KCNN1: variants seen among roughly 807,000 people sequenced by gnomAD.
The protein encoded by KCNN1 is potassium calcium-activated channel subfamily N member 1.
KCNN1 carries 20 observed loss-of-function variants against 44.7 expected under a neutral mutation model. That is an observed-to-expected ratio of 0.45 (90% CI 0.32 to 0.65). The LOEUF (loss-of-function observed/expected upper bound fraction) is 0.65. Ranked by LOEUF, KCNN1 falls within the 30% of genes least tolerant of loss-of-function variation. The probability of loss-of-function intolerance (pLI) is 0.05; values close to 1 mark genes in which losing one functional copy is unlikely to be tolerated. For synonymous variants in KCNN1, 324 were observed against 341.7 expected (o/e 0.95, Z 0.57); for missense variants, 632 against 785.3 (o/e 0.80, Z 2.33).
chr19:17,969,664 A>G (rs978247648), intron 1 of KCNN1, among the ~76,000 whole-genome samples: 8 of 152,094 alleles, frequency 5.3e-5, no homozygotes, highest in Non-Finnish European at 1.2e-4. Flanking sequence ...CACATCCCCA[A>G]ATTGCATCTT....
At chr19:17,989,650 A>C in intron 6 of KCNN1, 66 bp from the exon 7 acceptor site, 1 of 1,608,610 alleles carries the variant, frequency 6.2e-7, no homozygotes, top group Non-Finnish European at 8.5e-7. Flanking sequence ...GGAAGATTCT[A>C]GACATTTCTG....
intron 6 of KCNN1, among the ~76,000 whole-genome samples, chr19:17,989,175 T>C (rs908897865): frequency 8.5e-5 from 13 of 152,146 alleles, no homozygotes; most frequent in African/African-American, 2.9e-4. Flanking sequence ...ATCTGCATCA[T>C]GGCCGGGCGC....
At position 17,974,255 on chromosome 19, in the gene KCNN1, A is replaced by G; in HGVS notation, c.367A>G (p.Thr123Ala). 1 of 1,600,582 alleles carries G rather than the reference A, an allele frequency of 6.2e-7. No homozygotes were observed. Among genetic ancestry groups the G allele is most frequent in the South Asian group, 1.1e-5 (1 of 89,154 alleles). Residue 123 changes from threonine to alanine, a missense_variant, in exon 2 of 10, where the codon ACG becomes GCG. This residue lies in a region of KCNN1 where 235 missense variants were observed against 224.0 expected (regional missense o/e 1.05). Coordinates refer to ENST00000684775, the MANE Select transcript of KCNN1 (RefSeq NM_001386974.1). This position sits in a 1 kb window ranked among gnomAD's most constrained non-coding sequence, Gnocchi z 7.3. ...FGMFGIVVMV[T>A]ETELSWGVYT... The stretch of plus-strand genomic sequence containing the variant: ...CATGTTTGGCATCGTCGTCATGGTG[A>G]CGGAGACCGAGCTGTCCTGGGGGGT...
intron 1 of KCNN1, among the ~76,000 whole-genome samples, chr19:17,970,099 G>A (rs990573984): frequency 1.3e-5 from 2 of 152,020 alleles, no homozygotes; most frequent in Non-Finnish European, 2.9e-5. Context: ...CTGATAAACT[G>A]GGAAGTACTA....
intron 5 of KCNN1, among the ~76,000 whole-genome samples, chr19:17,987,888 C>T (rs924352124): frequency 1.3e-5 from 2 of 148,454 alleles, no homozygotes; most frequent in Non-Finnish European, 3.0e-5. Flanking sequence ...TACACCTGTA[C>T]TCCCAGCACT....
rs774019514 is a variant in KCNN1 at position 17,988,550 on chromosome 19, G to A, written c.1170+25G>A. 8 of 1,545,974 alleles carry A rather than the reference G, an allele frequency of 5.2e-6. No homozygotes were observed. In the South Asian group the frequency reaches 6.7e-5, roughly 13 times the overall value. ...GGTGAGGACCGCGGTTCCCATGGAG[G>A]CCGCCTCCTGGCCTTGTCAGCGAGC... On this transcript the variant is annotated intron_variant, in intron 6 of 9. Coordinates refer to ENST00000684775, the MANE Select transcript of KCNN1 (RefSeq NM_001386974.1).
At chr19:17,994,644 A>C (rs1156625207) in intron 9 of KCNN1, among the ~76,000 whole-genome samples, 1 of 152,010 alleles carries the variant, frequency 6.6e-6, no homozygotes, top group Non-Finnish European at 1.5e-5. Context: ...CCCGGGTTCA[A>C]GCAATTCTCG....
At chr19:17,975,595 A>T (rs148133453) in intron 3 of KCNN1, among the ~76,000 whole-genome samples, 116 of 151,916 alleles carry the variant, frequency 7.6e-4, no homozygotes, top group African/African-American at 2.5e-3. Context: ...TAATTTTTGT[A>T]TTTCTAGTAG....
Position 17,983,048 on chromosome 19 carries a change from G to A in KCNN1, c.917+921G>A, listed in dbSNP as rs2032475191. Among the ~76,000 whole-genome samples the A allele has an allele frequency of 6.6e-6, 1 of 151,954 alleles. No homozygotes were observed. The highest frequency in any genetic ancestry group is 2.4e-5 in the African/African-American group (1 of 41,372). On this transcript the variant is annotated intron_variant, in intron 4 of 9. Coordinates refer to ENST00000684775, the MANE Select transcript of KCNN1 (RefSeq NM_001386974.1). The surrounding 1 kb of genome is among the most constrained non-coding windows in gnomAD (Gnocchi z 4.5). ...AAAGACAAATAAATGGGTCTGGGAT[G>A]AAGGAAAACCGGCCGTGCCTTTGGG... is the stretch of plus-strand genomic sequence containing the variant.
intron 3 of KCNN1, 22 bp from the exon 4 acceptor site, chr19:17,981,687 G>A (rs762928052): frequency 7.7e-6 from 12 of 1,551,082 alleles, no homozygotes; most frequent in Middle Eastern, 1.7e-4. Context: ...ACCCATGGCT[G>A]GTTCCCTCCC....
intron 3 of KCNN1, among the ~76,000 whole-genome samples, chr19:17,978,245 G>T (rs570643491): frequency 1.7e-3 from 258 of 148,234 alleles, no homozygotes; most frequent in African/African-American, 6.2e-3. Flanking sequence ...TCCTGCCTCA[G>T]CCTCCTGAGT....
rs898423921 is a variant in KCNN1, at chr19:17,983,516, C to A, written c.917+1389C>A. Among the ~76,000 whole-genome samples the A allele has an allele frequency of 6.6e-6, 1 of 152,070 alleles. No homozygotes were observed. The highest frequency in any genetic ancestry group is 1.5e-5 in the Non-Finnish European group (1 of 67,996). On this transcript the variant is annotated intron_variant, in intron 4 of 9. Coordinates refer to ENST00000684775, the MANE Select transcript of KCNN1 (RefSeq NM_001386974.1). The surrounding 1 kb of genome is among the most constrained non-coding windows in gnomAD (Gnocchi z 4.5). The stretch of plus-strand genomic sequence containing the variant: ...CTCTCACACCCCTGATGGGTGGGGT[C>A]AGAACTAGGGTTAGGGGTATGGGGT...
At chr19:17,985,025 CT>C (rs938304570) in intron 4 of KCNN1, among the ~76,000 whole-genome samples, 18 of 148,932 alleles carry the variant, frequency 1.2e-4, no homozygotes, top group African/African-American at 4.2e-4. Context: ...ACCCATCCCC[CT>C]GTCTGTGTGT....
At chr19:17,966,147 C>A (rs1439977943), upstream of KCNN1, among the ~76,000 whole-genome samples, 1 of 152,080 alleles carries the variant, frequency 6.6e-6, no homozygotes, top group African/African-American at 2.4e-5. Flanking sequence ...CAGGAATAAA[C>A]ACTCAGATGT....
Position 17,974,355 on chromosome 19 carries a change from A to G in KCNN1, c.402+65A>G. The G allele has an allele frequency of 2.7e-6, 4 of 1,485,008 alleles. No homozygotes were observed. The highest frequency in any genetic ancestry group is 3.6e-6 in the Non-Finnish European group (4 of 1,120,670). The allele number at this position is 1,485,008 out of a possible 1,614,324, so 92.0% of individuals were successfully genotyped here. ...ACCAAGCCCGCCTAGCTTTCTTGACATGGGGTTGGGGGTGGCAGGGCCCCC... is the reference window on the plus strand; with the variant it reads ...ACCAAGCCCGCCTAGCTTTCTTGACGTGGGGTTGGGGGTGGCAGGGCCCCC... On this transcript the variant is annotated intron_variant, in intron 2 of 9. Transcript: ENST00000684775. This position sits in a 1 kb window ranked among gnomAD's most constrained non-coding sequence, Gnocchi z 7.3.
chr19:17,990,167 G>A, intron 7 of KCNN1: 1 of 493,368 alleles, frequency 2.0e-6, no homozygotes, highest in Non-Finnish European at 4.0e-6. Context: ...TAAATCCATG[G>A]TCTGATCCAT....
intron 2 of KCNN1, among the ~76,000 whole-genome samples, chr19:17,959,010 AT>A (rs1306007590): frequency 3.4e-5 from 5 of 146,930 alleles, no homozygotes; most frequent in Non-Finnish European, 7.5e-5. Flanking sequence ...CTATTTATTT[AT>A]TTATTTATTT....
chr19:17,981,212 TACAGC>T (rs2032392614), intron 3 of KCNN1, among the ~76,000 whole-genome samples: 1 of 151,706 alleles, frequency 6.6e-6, no homozygotes, highest in Non-Finnish European at 1.5e-5. Flanking sequence ...GCCACTGCAC[TACAGC>T]CTGTGCGACA....
intron 3 of KCNN1, among the ~76,000 whole-genome samples, chr19:17,976,000 C>T (rs1599359087): frequency 6.6e-6 from 1 of 152,132 alleles, no homozygotes; most frequent in East Asian, 1.9e-4. Context: ...AGCCACCATG[C>T]CCGGCTGCAC....
Sources: allele counts gnomAD v4.1 joint callset (sites outside exome capture counted in the v4.1 genomes callset), GRCh38; gene constraint gnomAD v4.1.1; regional missense constraint gnomAD v4.1.1; non-coding constraint Gnocchi (gnomAD v3.1); transcripts MANE v1.5; gene names NCBI Gene and HGNC (gene_info 2026-07-23, HGNC 2026-07-21).